Variants in C6orf118 observed in about 807,000 individuals in gnomAD.
C6orf118 encodes the protein uncharacterized protein C6orf118.
A neutral mutation model predicts 50.2 loss-of-function variants in C6orf118; 50 were observed. The ratio of observed to expected loss-of-function variants is 1.00; its 90% CI spans 0.79 to 1.26. C6orf118 has a LOEUF of 1.26. C6orf118 is among the 50% of genes most tolerant of loss of function. C6orf118 has a pLI of 0.00. For synonymous variants in C6orf118, 239 were observed against 230.9 expected (o/e 1.03, Z -0.32); for missense variants, 641 against 578.7 (o/e 1.11, Z -1.10).
chr6:165,301,606 C>A lies in C6orf118; in HGVS notation c.716G>T (p.Ser239Ile). 2 of 1,613,998 alleles carry A rather than the reference C, an allele frequency of 1.2e-6. No individual in the cohort carries two copies. The highest frequency in any genetic ancestry group is 1.7e-6 in the Non-Finnish European group (2 of 1,179,944). The stretch of plus-strand genomic sequence containing the variant: ...TCTCTCGTGGCCCGCGGCCGCCTTG[C>A]TCCCAGTGAAGTCATTCTTCAGGAG... ...QDLLKNDFTGSKAAAGHERKL... is the reference protein window; with the variant it reads ...QDLLKNDFTGIKAAAGHERKL... The change falls in exon 2 of 9, where the codon AGC (serine) becomes ATC (isoleucine). Residue 239 changes from serine (S) to isoleucine (I), a missense_variant. Physicochemically the swap from Ser to Ile is moderately radical, Grantham distance 142. Transcript: ENST00000230301.
At chr6:165,300,518 G>C (rs1780486365) in intron 2 of C6orf118, 32 bp from the exon 3 acceptor site, 2 of 1,588,216 alleles carry the variant, frequency 1.3e-6, no homozygotes, top group South Asian at 1.1e-5. Flanking sequence ...CCCATTTCAG[G>C]GTGGCTTCAT....
rs747009526 is a variant in C6orf118, at chr6:165,300,435, C to T, written c.805G>A (p.Val269Ile). Residue 269 changes from valine (V) to isoleucine (I), a missense_variant, in exon 3 of 9, where the codon GTC becomes ATC. Transcript: ENST00000230301. ...CSPQQFNRLHVFGKVFEDICN... is the reference protein window; with the variant it reads ...CSPQQFNRLHIFGKVFEDICN... Reference sequence around the variant, plus strand: ...ATATCTTCAAAGACTTTTCCAAAGACGTGCAGTCTGTTGAACTGCTGGGGG... The same window carrying T: ...ATATCTTCAAAGACTTTTCCAAAGATGTGCAGTCTGTTGAACTGCTGGGGG... The T allele has an allele frequency of 3.4e-5, 55 of 1,613,816 alleles. No homozygotes were observed. The East Asian group carries it at 4.7e-4, about 14-fold the overall frequency.
At position 165,298,064 on chromosome 6, in the gene C6orf118, G is replaced by T. The variant is rs148261003; in HGVS notation, c.974C>A (p.Pro325Gln). Reference protein sequence around the residue: ...LAQLKALGQRPVKTADMDLAR... With the variant: ...LAQLKALGQRQVKTADMDLAR... ...GAGATCCATGTCCGCCGTCTTCACC[G>T]GCCTCTGCCCCAGCGCCTTGAGTTG... is the stretch of plus-strand genomic sequence containing the variant. Residue 325 changes from proline (P) to glutamine (Q), a missense_variant, in exon 5 of 9, where the codon CCG (proline) becomes CAG (glutamine). Physicochemically the swap from Pro to Gln is moderately conservative, Grantham distance 76. Coordinates refer to ENST00000230301, the MANE Select transcript of C6orf118 (RefSeq NM_144980.4). 1 of 1,612,022 alleles carries T rather than the reference G, an allele frequency of 6.2e-7. No individual in the cohort carries two copies. Among genetic ancestry groups the T allele is most frequent in the East Asian group, 2.2e-5 (1 of 44,836 alleles).
chr6:165,299,476 C>A lies in C6orf118; in HGVS notation c.903G>T (p.Thr301=). The A allele has an allele frequency of 1.9e-6, 3 of 1,614,038 alleles. No individual in the cohort carries two copies. The highest frequency in any genetic ancestry group is 1.1e-5 in the South Asian group (1 of 91,072). The change falls in exon 4 of 9, where the codon ACG becomes ACT. Residue 301 remains threonine (T), a synonymous_variant. Coordinates refer to ENST00000230301, the MANE Select transcript of C6orf118 (RefSeq NM_144980.4). ...GTGCTGCAGGCTGGGACTCCAGGAG[C>A]GTTGCCATGTAGAGTTCATATTCAT... The part of the protein sequence containing the change: ...VKDEYELYMA[T]LLESQPAAQY...
intron 5 of C6orf118, among the ~76,000 whole-genome samples, chr6:165,296,743 G>T (rs1336704407): frequency 6.6e-6 from 1 of 152,148 alleles, no homozygotes; most frequent in Non-Finnish European, 1.5e-5. Flanking sequence ...CCCCTGAGAG[G>T]TACGCTGCCT....
At chr6:165,291,901 C>A (rs148002612) in intron 6 of C6orf118, among the ~76,000 whole-genome samples, 5 of 152,122 alleles carry the variant, frequency 3.3e-5, no homozygotes, top group African/African-American at 7.2e-5. Context: ...ATATTAATAA[C>A]CCTTCCTGGT....
rs527255373 is a variant in C6orf118, at chr6:165,284,563, G to C, written c.1303-2870C>G. Among the ~76,000 whole-genome samples, 11 of 152,176 alleles carry C rather than the reference G, an allele frequency of 7.2e-5. No individual in the cohort carries two copies. In the South Asian group the frequency reaches 2.1e-3, roughly 29 times the overall value. ...TGAAATGAAGGAAAAAATTGTTAAG[G>C]GTAGCCAGAGAGAAAGCCCAGGTCA... On this transcript the variant is annotated intron_variant, in intron 7 of 8. Transcript: ENST00000230301.
intron 1 of C6orf118, among the ~76,000 whole-genome samples, chr6:165,308,436 A>G (rs1196846871): frequency 1.3e-5 from 2 of 152,116 alleles, no homozygotes. Context: ...GCGACTTCCT[A>G]GGGCCAGGGC....
Position 165,293,385 on chromosome 6 carries a change from T to C in C6orf118, c.1120+28A>G, listed in dbSNP as rs200255286. On this transcript the variant is annotated intron_variant, in intron 6 of 8. Coordinates refer to ENST00000230301, the MANE Select transcript of C6orf118 (RefSeq NM_144980.4). ...AATGAAGGTCACAGCAAAGCACCCA[T>C]AAGGAAGGACATCACACAGACACCT... 3.9e-4 allele frequency: 634 copies of C among 1,609,766 alleles called. 4 individuals are homozygous for C. The highest frequency in any genetic ancestry group is 3.9e-5 in the Non-Finnish European group (46 of 1,176,058).
chr6:165,299,306 A>T, intron 4 of C6orf118, 137 bp downstream of exon 4: 1 of 655,142 alleles, frequency 1.5e-6, no homozygotes, highest in Non-Finnish European at 2.6e-6. Context: ...ACTCATCTAT[A>T]ACAAAGAACA....
chr6:165,293,330 G>A, intron 6 of C6orf118, 83 bp downstream of exon 6: 1 of 1,254,828 alleles, frequency 8.0e-7, no homozygotes, highest in Non-Finnish European at 1.2e-6. Context: ...CAAGTTGACA[G>A]ACAGGCAGCC....
chr6:165,297,948 A>G, intron 5 of C6orf118, 29 bp downstream of exon 5: 1 of 1,612,978 alleles, frequency 6.2e-7, no homozygotes, highest in East Asian at 2.2e-5. Context: ...GAATCTAAAC[A>G]TAGATCAGAT....
rs533497944 is a variant in C6orf118 at position 165,281,926 on chromosome 6, A to G, written c.1303-233T>C. The G allele has an allele frequency of 6.8e-5, 19 of 279,180 alleles. No individual in the cohort carries two copies. In the South Asian group the frequency reaches 1.8e-3, roughly 27 times the overall value. The allele number at this position is 279,180 out of a possible 1,614,324, so 17.3% of individuals were successfully genotyped here. The stretch of plus-strand genomic sequence containing the variant: ...GAGAGGAGGAAATTGATGTTTCAAA[A>G]TATCAGAAAATTTTAGGGAAATTCC... On this transcript the variant is annotated intron_variant, in intron 7 of 8. Coordinates refer to ENST00000230301, the MANE Select transcript of C6orf118 (RefSeq NM_144980.4).
At position 165,302,311 on chromosome 6, in the gene C6orf118, A is replaced by G; in HGVS notation, c.26-15T>C. 6.2e-7 allele frequency: 1 copy of G among 1,606,150 alleles called. No individual in the cohort carries two copies. Among genetic ancestry groups the G allele is most frequent in the Non-Finnish European group, 8.5e-7 (1 of 1,178,282 alleles). On this transcript the variant is annotated splice_polypyrimidine_tract_variant and intron_variant, in intron 1 of 8. Transcript: ENST00000230301. ...CTTCAGGTACACTGGTCAGAAAAGA[A>G]AAGGAGGCTCTTAGGGATCGCTCTT... is the stretch of plus-strand genomic sequence containing the variant.
chr6:165,292,755 G>A (rs1233973146), intron 6 of C6orf118, among the ~76,000 whole-genome samples: 1 of 152,120 alleles, frequency 6.6e-6, no homozygotes, highest in African/African-American at 2.4e-5. Context: ...CAAATCAGGC[G>A]ACAAGAAACC....
At chr6:165,301,027 C>T (rs574078862) in intron 2 of C6orf118, among the ~76,000 whole-genome samples, 1 of 152,284 alleles carries the variant, frequency 6.6e-6, no homozygotes, top group Admixed American at 6.5e-5. Context: ...TCAGACCCCT[C>T]TGCTGACCTA....
In C6orf118 at chr6:165,302,150, G is replaced by A. The variant is rs770723144; in HGVS notation, c.172C>T (p.Leu58Phe). 1.2e-4 allele frequency: 187 copies of A among 1,613,072 alleles called. No homozygotes were observed. The South Asian group carries it at 1.5e-3, about 13-fold the overall frequency. ...GGGTTCAGGTGTCCAGAGATGTAGA[G>A]GTAGACGTCCTCCCGGTGGTCTTTC... ...LQKDHREDVY[L>F]YISGHLNPNK... Residue 58 changes from leucine to phenylalanine, a missense_variant, in exon 2 of 9, where the codon CTC becomes TTC. Coordinates refer to ENST00000230301, the MANE Select transcript of C6orf118 (RefSeq NM_144980.4).
rs571883416 is a variant in C6orf118, at chr6:165,299,391, T to C, written c.936+52A>G. 335 of 1,527,818 alleles carry C rather than the reference T, an allele frequency of 2.2e-4. 6 individuals are homozygous for C. The South Asian group carries it at 3.6e-3, about 16-fold the overall frequency. The allele number at this position is 1,527,818 out of a possible 1,614,324, so 94.6% of individuals were successfully genotyped here. A position where few individuals can be genotyped will look rare whatever the true frequency, so the allele number is the denominator to read the frequency against. ...AAAGGTTTCCACTGCTCATGAAATATGAAGCTATGGATAAGCAGGCTCTAT... is the reference window on the plus strand; with the variant it reads ...AAAGGTTTCCACTGCTCATGAAATACGAAGCTATGGATAAGCAGGCTCTAT... On this transcript the variant is annotated intron_variant, in intron 4 of 8. Transcript: ENST00000230301.
chr6:165,302,223 T>C lies in C6orf118; in HGVS notation c.99A>G (p.Pro33=), dbSNP rs377471966. Residue 33 remains proline, a synonymous_variant, in exon 2 of 9, where the codon CCA becomes CCG. Transcript: ENST00000230301. ...TLCNLKHCET[P]GVKTLCNLKK... ...TCAGATTACACAGGGTCTTCACTCC[T>C]GGCGTCTCGCAGTGCTTCAGATTAC... is the stretch of plus-strand genomic sequence containing the variant. 78 of 1,613,870 alleles carry C rather than the reference T, an allele frequency of 4.8e-5. 1 individual carries two copies. The East Asian group carries it at 6.9e-4, about 14-fold the overall frequency.
Sources: gnomAD v4.1 joint callset for allele counts (sites outside exome capture counted in the v4.1 genomes callset) on GRCh38, gnomAD v4.1.1 for gene constraint, MANE v1.5 for transcripts, NCBI Gene and HGNC (gene_info 2026-07-23, HGNC 2026-07-21) for gene names.